The following KHDRBS2 variants were observed in gnomAD, a reference collection of about 807,000 sequenced individuals.
KHDRBS2 encodes KH RNA binding domain containing, signal transduction associated 2, also known as KH domain-containing, RNA-binding, signal transduction-associated protein 2.
Under a neutral mutation model 44.3 loss-of-function variants are expected in KHDRBS2, and 26 were observed. That is an observed-to-expected ratio of 0.59 (90% CI 0.43 to 0.81). The LOEUF is 0.81. Among genes scored for constraint, KHDRBS2 ranks in the 40% least tolerant of loss-of-function variants. KHDRBS2 has a pLI of 0.00. For missense variants in KHDRBS2, 476 were observed against 433.1 expected, an observed-to-expected ratio of 1.10 and a Z score of -0.88; for synonymous variants, 194 against 151.1, an observed-to-expected ratio of 1.28 and a Z score of -2.08.
intron 2 of KHDRBS2, among the ~76,000 whole-genome samples, chr6:62,164,758 CT>C (rs1490942546): frequency 6.6e-6 from 1 of 151,798 alleles, no homozygotes; most frequent in East Asian, 1.9e-4. Context: ...CAAAATTGCC[CT>C]CTAAAATACT....
In KHDRBS2 at chr6:61,894,632, T is replaced by C. The variant is rs1352086707; in HGVS notation, c.810+3A>G. 4 of 1,608,532 alleles carry C rather than the reference T, an allele frequency of 2.5e-6. No homozygotes were observed. In the East Asian group the frequency reaches 8.9e-5, roughly 36 times the overall value. On this transcript the variant is annotated splice_donor_region_variant and intron_variant, in intron 6 of 8. Coordinates refer to ENST00000281156, the MANE Select transcript of KHDRBS2 (RefSeq NM_152688.4). Reference sequence around the variant, plus strand: ...TTACAACTTATTTCTTAAGAGTACTTACATATTCTTCATAAGCTTCATGGG... The same window carrying C: ...TTACAACTTATTTCTTAAGAGTACTCACATATTCTTCATAAGCTTCATGGG...
intron 6 of KHDRBS2, among the ~76,000 whole-genome samples, chr6:61,768,728 T>G (rs1780375150): frequency 1.3e-5 from 2 of 152,096 alleles, no homozygotes; most frequent in African/African-American, 2.4e-5. Flanking sequence ...GTAGGAGTAG[T>G]GTCAACTATT....
At chr6:62,083,545 A>C (rs945740051) in intron 2 of KHDRBS2, among the ~76,000 whole-genome samples, 1 of 152,122 alleles carries the variant, frequency 6.6e-6, no homozygotes. Context: ...ACATTGTAAC[A>C]CATGCCCTCT....
At chr6:61,579,568 T>A in the KHDRBS2 span, among the ~76,000 whole-genome samples, 2 of 152,188 alleles carry the variant, frequency 1.3e-5, no homozygotes, top group Non-Finnish European at 2.9e-5. Context: ...CATGATGGAC[T>A]GATGACAGCT....
the KHDRBS2 span, among the ~76,000 whole-genome samples, chr6:61,614,833 G>T: frequency 6.6e-6 from 1 of 152,136 alleles, no homozygotes; most frequent in African/African-American, 2.4e-5. Context: ...CAACGTAAGA[G>T]CTCTATGACT....
rs1332271361 is a variant in KHDRBS2, at chr6:61,996,393, TA to T, written c.337-18182del. Among the ~76,000 whole-genome samples, 10 of 152,334 alleles carry T rather than the reference TA, an allele frequency of 6.6e-5. No homozygotes were observed. In the East Asian group the frequency reaches 1.5e-3, roughly 23 times the overall value. The stretch of plus-strand genomic sequence containing the variant: ...ACAAATAGAAAAATAAAACACTATT[TA>T]AATCTCTCTCTATCCAATTTAGTTA... On this transcript the variant is annotated intron_variant, in intron 3 of 8. Coordinates refer to ENST00000281156, the MANE Select transcript of KHDRBS2 (RefSeq NM_152688.4).
intron 6 of KHDRBS2, among the ~76,000 whole-genome samples, chr6:61,759,766 G>A (rs1176058625): frequency 6.6e-6 from 1 of 152,182 alleles, no homozygotes; most frequent in Non-Finnish European, 1.5e-5. Flanking sequence ...ACAATGATGA[G>A]CATCATAATA....
chr6:62,154,190 G>A (rs1815864697), intron 2 of KHDRBS2, among the ~76,000 whole-genome samples: 3 of 152,134 alleles, frequency 2.0e-5, no homozygotes, highest in Admixed American at 1.3e-4. Flanking sequence ...GTCAGGTTAG[G>A]AAAGGTGGGC....
chr6:61,599,990 A>C, the KHDRBS2 span, among the ~76,000 whole-genome samples: 2 of 152,248 alleles, frequency 1.3e-5, no homozygotes, highest in African/African-American at 2.4e-5. Context: ...GAAAAGATTC[A>C]GACAGTATGA....
At chr6:62,159,879 A>T (rs1204126212) in intron 2 of KHDRBS2, among the ~76,000 whole-genome samples, 1 of 152,136 alleles carries the variant, frequency 6.6e-6, no homozygotes, top group Non-Finnish European at 1.5e-5. Context: ...TCTTCATATC[A>T]AGTAGGCTGA....
At chr6:61,901,162 T>G (rs1229471223) in intron 5 of KHDRBS2, 82 bp downstream of exon 5, 9 of 1,329,164 alleles carry the variant, frequency 6.8e-6, no homozygotes, top group Non-Finnish European at 9.4e-6. Flanking sequence ...TGTTGTTTAC[T>G]GCTAGTGATA....
intron 4 of KHDRBS2, among the ~76,000 whole-genome samples, chr6:61,959,024 C>G (rs1390443050): frequency 6.6e-6 from 1 of 152,192 alleles, no homozygotes; most frequent in Non-Finnish European, 1.5e-5. Context: ...CAACTGGTGT[C>G]ACTTCAACAA....
chr6:62,190,960 G>A (rs2150131363), intron 1 of KHDRBS2, among the ~76,000 whole-genome samples: 1 of 152,096 alleles, frequency 6.6e-6, no homozygotes, highest in South Asian at 2.1e-4. Flanking sequence ...ACCTGAATAG[G>A]CAGGACCCCT....
At chr6:61,580,836 T>A in the KHDRBS2 span, among the ~76,000 whole-genome samples, 2 of 152,140 alleles carry the variant, frequency 1.3e-5, no homozygotes, top group Non-Finnish European at 2.9e-5. Flanking sequence ...CTTTAAGAGC[T>A]GTAACACTCA....
chr6:61,972,867 C>T (rs1325617741), intron 4 of KHDRBS2, among the ~76,000 whole-genome samples: 1 of 152,140 alleles, frequency 6.6e-6, no homozygotes, highest in Non-Finnish European at 1.5e-5. Context: ...ACTGATCAGC[C>T]AGGTGTGGCG....
At chr6:61,802,137 T>C (rs1048737455) in intron 6 of KHDRBS2, among the ~76,000 whole-genome samples, 1 of 152,082 alleles carries the variant, frequency 6.6e-6, no homozygotes, top group East Asian at 1.9e-4. Context: ...TAGAATCAAC[T>C]GAACTAAGAA....
At chr6:61,550,000 G>T in the KHDRBS2 span, among the ~76,000 whole-genome samples, 9 of 152,068 alleles carry the variant, frequency 5.9e-5, no homozygotes, top group Non-Finnish European at 1.0e-4. Context: ...AAAAAGACAT[G>T]AATATTTATT....
chr6:62,241,015 G>A (rs1375279404), intron 1 of KHDRBS2, among the ~76,000 whole-genome samples: 1 of 151,796 alleles, frequency 6.6e-6, no homozygotes, highest in African/African-American at 2.4e-5. Flanking sequence ...CCCTTAATAT[G>A]GGTGTTTTGT....
intron 6 of KHDRBS2, among the ~76,000 whole-genome samples, chr6:61,875,885 T>A (rs1799344692): frequency 6.6e-6 from 1 of 152,078 alleles, no homozygotes; most frequent in African/African-American, 2.4e-5. Context: ...ATTATTATTT[T>A]ATACTCTTTT....
Sources: gnomAD v4.1 joint callset for allele counts (sites outside exome capture counted in the v4.1 genomes callset) on GRCh38, gnomAD v4.1.1 for gene constraint, MANE v1.5 for transcripts, NCBI Gene and HGNC (gene_info 2026-07-23, HGNC 2026-07-21) for gene names.